The following ZNF704 variants were observed in gnomAD, a reference collection of about 807,000 sequenced individuals.
ZNF704 encodes the protein zinc finger protein 704, also known as glucocorticoid induced gene 1.
Under a neutral mutation model 44.7 loss-of-function variants are expected in ZNF704, and 10 were observed. The observed-to-expected ratio is 0.22, with a 90% CI of 0.14 to 0.38. The LOEUF (loss-of-function observed/expected upper bound fraction) is 0.38. Ranked by LOEUF, ZNF704 falls within the 10% of genes least tolerant of loss-of-function variation. The probability of loss-of-function intolerance (pLI) is 1.00; values close to 1 mark genes in which losing one functional copy is unlikely to be tolerated. For synonymous variants in ZNF704, 211 were observed against 207.6 expected (o/e 1.02, Z -0.14); for missense variants, 390 against 545.5 (o/e 0.71, Z 2.84).
intron 2 of ZNF704, among the ~76,000 whole-genome samples, chr8:80,797,625 T>C (rs1025921498): frequency 2.6e-5 from 4 of 152,142 alleles, no homozygotes; most frequent in Admixed American, 2.6e-4. Context: ...AGCAGAGACC[T>C]GCAAGGACCC....
At position 80,823,005 on chromosome 8, in the gene ZNF704, A is replaced by C. The variant is rs191360730; in HGVS notation, c.-21-1390T>G. Among the ~76,000 whole-genome samples, 41 of 152,300 alleles carry C rather than the reference A, an allele frequency of 2.7e-4. 1 individual carries two copies. The Middle Eastern group carries it at 0.027, about 101-fold the overall frequency. On this transcript the variant is annotated intron_variant, in intron 1 of 8. Transcript: ENST00000327835. ...AAATATAGGAACAGCTCCAGTCTAC[A>C]GCTCCCAGCCTGAGTGATGCAGAAG...
intron 2 of ZNF704, among the ~76,000 whole-genome samples, chr8:80,774,445 G>T (rs1399124029): frequency 6.6e-6 from 1 of 152,022 alleles, no homozygotes; most frequent in African/African-American, 2.4e-5. Flanking sequence ...CCTTGTTACT[G>T]CAAGATGGGG....
At chr8:80,678,960 C>T (rs118031337) in intron 4 of ZNF704, among the ~76,000 whole-genome samples, 1,534 of 152,260 alleles carry the variant, frequency 0.01, 24 homozygotes, top group South Asian at 0.071. Context: ...CTCTCTCCTT[C>T]TGCCTGGCCA....
chr8:80,714,624 T>C (rs950522501), intron 2 of ZNF704, among the ~76,000 whole-genome samples: 1 of 152,178 alleles, frequency 6.6e-6, no homozygotes, highest in African/African-American at 2.4e-5. Context: ...GATCTTTTCC[T>C]TCCTAGCTTC....
intron 1 of ZNF704, among the ~76,000 whole-genome samples, chr8:80,862,764 CAAAAAAA>C (rs71266094): frequency 7.6e-5 from 1 of 13,076 alleles, no homozygotes; most frequent in Admixed American, 8.6e-4. Flanking sequence ...GACTCCGTCT[CAAAAAAA>C]AAAAAAAAAA....
At chr8:80,872,418 GC>G (rs1342320618) in intron 1 of ZNF704, among the ~76,000 whole-genome samples, 1 of 152,150 alleles carries the variant, frequency 6.6e-6, no homozygotes, top group Non-Finnish European at 1.5e-5. Context: ...GCAACTTCAA[GC>G]TTTGAGGAGC....
chr8:80,860,419 T>C lies in ZNF704; in HGVS notation c.-22+14152A>G, dbSNP rs76388941. On this transcript the variant is annotated intron_variant, in intron 1 of 8. Transcript: ENST00000327835. The stretch of plus-strand genomic sequence containing the variant: ...AGCTTTTAGATATGTCTGAGCCTTG[T>C]AGAACTTCACAAGTTGCTGGTTTAG... Among the ~76,000 whole-genome samples the C allele has an allele frequency of 5.2e-3, 795 of 152,364 alleles. 5 individuals carry two copies. The highest frequency in any genetic ancestry group is 0.018 in the African/African-American group (751 of 41,580).
intron 1 of ZNF704, among the ~76,000 whole-genome samples, chr8:80,832,714 A>G (rs1388610326): frequency 6.6e-6 from 1 of 152,292 alleles, no homozygotes; most frequent in East Asian, 1.9e-4. Context: ...TTTAGGCCAC[A>G]GCAAAAATCA....
chr8:80,752,754 T>C (rs927480713), intron 2 of ZNF704, among the ~76,000 whole-genome samples: 2 of 152,124 alleles, frequency 1.3e-5, no homozygotes, highest in South Asian at 4.1e-4. Context: ...TTGGTCAGGC[T>C]GGTCTCAAAC....
rs555888184 is a variant in ZNF704 at position 80,782,532 on chromosome 8, T to A, written c.221+38842A>T. Among the ~76,000 whole-genome samples, 10 of 152,310 alleles carry A rather than the reference T, an allele frequency of 6.6e-5. No individual in the cohort carries two copies. In the East Asian group the frequency reaches 1.5e-3, roughly 24 times the overall value. Reference sequence around the variant, plus strand: ...TGTCCAGATGAATACAAGAGTCCACTGTACTCTGAAATAATCACATGATAT... The same window carrying A: ...TGTCCAGATGAATACAAGAGTCCACAGTACTCTGAAATAATCACATGATAT... On this transcript the variant is annotated intron_variant, in intron 2 of 8. Coordinates refer to ENST00000327835, the MANE Select transcript of ZNF704 (RefSeq NM_001033723.3).
chr8:80,758,004 T>G (rs758714373), intron 2 of ZNF704, among the ~76,000 whole-genome samples: 6 of 152,236 alleles, frequency 3.9e-5, no homozygotes, highest in Non-Finnish European at 5.9e-5. Flanking sequence ...CACTGGGCTT[T>G]CTTTCTTATA....
intron 2 of ZNF704, among the ~76,000 whole-genome samples, chr8:80,697,726 C>G (rs1200664516): frequency 6.6e-6 from 1 of 152,210 alleles, no homozygotes; most frequent in African/African-American, 2.4e-5. Flanking sequence ...CAGCCACAGT[C>G]AGAGTTCATG....
At chr8:80,869,739 C>T (rs1402524674) in intron 1 of ZNF704, among the ~76,000 whole-genome samples, 3 of 152,216 alleles carry the variant, frequency 2.0e-5, no homozygotes. Flanking sequence ...TGACTTACTT[C>T]TAACCAACAG....
intron 2 of ZNF704, among the ~76,000 whole-genome samples, chr8:80,817,070 AT>A (rs949898756): frequency 6.6e-6 from 1 of 152,094 alleles, no homozygotes; most frequent in African/African-American, 2.4e-5. Context: ...ATCAGTTGCC[AT>A]TTTTTCACAG....
At chr8:80,833,273 C>T (rs1808499800) in intron 1 of ZNF704, among the ~76,000 whole-genome samples, 1 of 152,186 alleles carries the variant, frequency 6.6e-6, no homozygotes, top group East Asian at 1.9e-4. Flanking sequence ...TCGCTTGAAC[C>T]TGGGAGGTGG....
intron 2 of ZNF704, among the ~76,000 whole-genome samples, chr8:80,786,614 A>G (rs546819757): frequency 5.3e-5 from 8 of 152,360 alleles, no homozygotes; most frequent in Admixed American, 2.0e-4. Context: ...TCTGAAGTTA[A>G]TATGAGGAAA....
At chr8:80,806,210 T>C (rs971485249) in intron 2 of ZNF704, among the ~76,000 whole-genome samples, 2 of 152,190 alleles carry the variant, frequency 1.3e-5, no homozygotes, top group African/African-American at 4.8e-5. Flanking sequence ...ATTAAGTCCA[T>C]TATTCAAACC....
chr8:80,859,772 C>T (rs1463343816), intron 1 of ZNF704, among the ~76,000 whole-genome samples: 3 of 152,066 alleles, frequency 2.0e-5, no homozygotes, highest in African/African-American at 7.2e-5. Context: ...GACTGTGCCT[C>T]CTTCTACTGG....
At chr8:80,663,776 G>A (rs1818140392) in intron 6 of ZNF704, among the ~76,000 whole-genome samples, 1 of 152,072 alleles carries the variant, frequency 6.6e-6, no homozygotes, top group Non-Finnish European at 1.5e-5. Context: ...ACCCAGGCTG[G>A]AGTGCAGTGC....
Sources: gnomAD v4.1 joint callset for allele counts (sites outside exome capture counted in the v4.1 genomes callset) on GRCh38, gnomAD v4.1.1 for gene constraint, MANE v1.5 for transcripts, NCBI Gene and HGNC (gene_info 2026-07-23, HGNC 2026-07-21) for gene names.